The following TMEM254 variants were observed in gnomAD, a reference collection of about 807,000 sequenced individuals.
The protein encoded by TMEM254 is transmembrane protein C10orf57.
Under a neutral mutation model 13.9 loss-of-function variants are expected in TMEM254, and 16 were observed. The observed-to-expected ratio is 1.15, with a 90% confidence interval of 0.78 to 1.75. The LOEUF is 1.75. Among genes scored for constraint, TMEM254 ranks in the 40% most tolerant of loss-of-function variants. The probability of loss-of-function intolerance (pLI) is 0.00; values close to 1 mark genes in which losing one functional copy is unlikely to be tolerated. For synonymous variants in TMEM254, 61 were observed against 56.4 expected (o/e 1.08, Z -0.36); for missense variants, 155 against 149.0 (o/e 1.04, Z -0.21).
intron 1 of TMEM254, chr10:80,079,118 C>A (rs1375519937): frequency 7.4e-7 from 1 of 1,349,740 alleles, no homozygotes; most frequent in Non-Finnish European, 9.8e-7. Context: ...ATGCGGCTAC[C>A]GCCTATTTCC....
In TMEM254 at chr10:80,081,833, T is replaced by C. The variant is rs769515614; in HGVS notation, c.88-8T>C. The C allele has an allele frequency of 6.2e-7, 1 of 1,614,126 alleles. No individual in the cohort carries two copies. The highest frequency in any genetic ancestry group is 8.5e-7 in the Non-Finnish European group (1 of 1,180,010). ...AATAGGTATTCTGTGTCTCTGCTTCTCTTTCAGTGGGTTGTCTTCTGGCCT... is the reference window on the plus strand; with the variant it reads ...AATAGGTATTCTGTGTCTCTGCTTCCCTTTCAGTGGGTTGTCTTCTGGCCT... On this transcript the variant is annotated splice_region_variant and splice_polypyrimidine_tract_variant and intron_variant, in intron 1 of 3. Transcript: ENST00000372281.
Position 80,091,005 on chromosome 10 carries a change from A to G in TMEM254, c.*88A>G, listed in dbSNP as rs1193132957. 5.3e-6 allele frequency: 8 copies of G among 1,511,904 alleles called. No homozygotes were observed. Among genetic ancestry groups the G allele is most frequent in the Non-Finnish European group, 7.1e-6 (8 of 1,125,468 alleles). The allele number at this position is 1,511,904 out of a possible 1,614,324, so 93.7% of individuals were successfully genotyped here. On this transcript the variant is annotated 3_prime_UTR_variant, in exon 4 of 4. Transcript: ENST00000372281. ...AGGAGGTGCAGTAATTTACTCAGTG[A>G]TCTTTCTACTTTCTAGAAACTGTCC... is the stretch of plus-strand genomic sequence containing the variant.
intron 3 of TMEM254, 81 bp from the exon 4 acceptor site, chr10:80,090,716 A>AAT (rs1051181771): frequency 6.9e-5 from 93 of 1,338,874 alleles, no homozygotes; most frequent in Non-Finnish European, 8.1e-5. Flanking sequence ...TAATTTAAAA[A>AAT]ATATATATAT....
chr10:80,085,333 G>A (rs1399433254), intron 3 of TMEM254, among the ~76,000 whole-genome samples: 1 of 152,032 alleles, frequency 6.6e-6, no homozygotes, highest in Non-Finnish European at 1.5e-5. Flanking sequence ...GCTGAGGCAG[G>A]CGGATCACCT....
intron 3 of TMEM254, among the ~76,000 whole-genome samples, chr10:80,085,116 G>A (rs1445571842): frequency 1.3e-5 from 2 of 152,052 alleles, no homozygotes; most frequent in Admixed American, 1.3e-4. Context: ...CACCGCACCC[G>A]GCCCTCAAAT....
chr10:80,091,091 C>A lies in TMEM254; in HGVS notation c.*174C>A. ...TTTTCTCTTATATGCTCTGGTTGAGCTTGAATAGACCAGTTGTTACTTAAG... is the reference window on the plus strand; with the variant it reads ...TTTTCTCTTATATGCTCTGGTTGAGATTGAATAGACCAGTTGTTACTTAAG... On this transcript the variant is annotated 3_prime_UTR_variant, in exon 4 of 4. Coordinates refer to ENST00000372281, the MANE Select transcript of TMEM254 (RefSeq NM_025125.4). 1.5e-6 allele frequency: 1 copy of A among 687,068 alleles called. No homozygotes were observed. Among genetic ancestry groups the A allele is most frequent in the Non-Finnish European group, 2.3e-6 (1 of 434,160 alleles). 42.6% of individuals were successfully genotyped at this position (687,068 alleles called of 1,614,324 possible).
intron 3 of TMEM254, among the ~76,000 whole-genome samples, chr10:80,089,962 G>A (rs967021439): frequency 4.1e-5 from 6 of 146,504 alleles, no homozygotes; most frequent in Non-Finnish European, 5.9e-5. Flanking sequence ...TCAAGATCGC[G>A]CCACTGCACT....
chr10:80,079,043 T>A (rs1589375867), intron 1 of TMEM254: 6 of 1,498,470 alleles, frequency 4.0e-6, no homozygotes, highest in Non-Finnish European at 5.4e-6. Flanking sequence ...CGGGGACGGC[T>A]GGGGAGCTCC....
rs928684134 is a variant in TMEM254, at chr10:80,086,232, CA to C, written c.251+4032del. ...AAAAGACTTTTGTCTTTTAAATAGG[CA>C]AAATGAGCTAAGAATACGGATAAAG... On this transcript the variant is annotated intron_variant, in intron 3 of 3. Coordinates refer to ENST00000372281, the MANE Select transcript of TMEM254 (RefSeq NM_025125.4). 8 of 1,468,838 alleles carry C rather than the reference CA, an allele frequency of 5.4e-6. No homozygotes were observed. In the African/African-American group the frequency reaches 1.2e-4, roughly 22 times the overall value. The allele number at this position is 1,468,838 out of a possible 1,614,324, so 91.0% of individuals were successfully genotyped here. A position where few individuals can be genotyped will look rare whatever the true frequency, so the allele number is the denominator to read the frequency against.
chr10:80,082,280 G>A (rs1332198978), intron 3 of TMEM254, 76 bp downstream of exon 3: 11 of 1,508,240 alleles, frequency 7.3e-6, no homozygotes, highest in Non-Finnish European at 1.0e-5. Context: ...CATTTAAATA[G>A]TTCACACACT....
intron 3 of TMEM254, among the ~76,000 whole-genome samples, chr10:80,082,644 A>G (rs891730078): frequency 1.3e-5 from 2 of 152,202 alleles, no homozygotes; most frequent in African/African-American, 2.4e-5. Flanking sequence ...TGATTGGGTA[A>G]GTCTTGCCTC....
In TMEM254 at chr10:80,078,782, A is replaced by AC; in HGVS notation, c.84dup (p.Thr29HisfsTer58). On this transcript the variant is annotated frameshift_variant, in exon 1 of 4. Coordinates refer to ENST00000372281, the MANE Select transcript of TMEM254 (RefSeq NM_025125.4). LOFTEE classifies it high-confidence loss of function. ...GTCATCACCCTCAGCTTTGGCTACT[A>AC]CACAGTAAGGACAGCCGCTGGAGCG... is the stretch of plus-strand genomic sequence containing the variant. 6.2e-7 allele frequency: 1 copy of AC among 1,603,742 alleles called. No individual in the cohort carries two copies. Among genetic ancestry groups the AC allele is most frequent in the Non-Finnish European group, 8.5e-7 (1 of 1,175,300 alleles).
rs535917016 is a variant in TMEM254, at chr10:80,081,622, C to A, written c.88-219C>A. 1.0e-4 allele frequency: 146 copies of A among 1,449,750 alleles called. 2 individuals are homozygous for A. In the South Asian group the frequency reaches 1.8e-3, roughly 18 times the overall value. The allele number at this position is 1,449,750 out of a possible 1,614,324, so 89.8% of individuals were successfully genotyped here. A position where few individuals can be genotyped will look rare whatever the true frequency, so the allele number is the denominator to read the frequency against. On this transcript the variant is annotated intron_variant, in intron 1 of 3. Coordinates refer to ENST00000372281, the MANE Select transcript of TMEM254 (RefSeq NM_025125.4). ...GGTGGAGGCTGCAGTGAGTCATGATCATGCCACTGCACTCCAGCCCCAGCA... is the reference window on the plus strand; with the variant it reads ...GGTGGAGGCTGCAGTGAGTCATGATAATGCCACTGCACTCCAGCCCCAGCA...
At chr10:80,090,066 T>C (rs897778244) in intron 3 of TMEM254, among the ~76,000 whole-genome samples, 6 of 152,190 alleles carry the variant, frequency 3.9e-5, no homozygotes, top group African/African-American at 1.4e-4. Flanking sequence ...GATATTCATA[T>C]GATCTTTCTG....
chr10:80,083,417 T>G (rs1396348184), intron 3 of TMEM254, among the ~76,000 whole-genome samples: 1 of 152,242 alleles, frequency 6.6e-6, no homozygotes, highest in Non-Finnish European at 1.5e-5. Context: ...CAAGCTAGAC[T>G]TTCTATGAAG....
At chr10:80,080,353 AGTCTT>A (rs1843927617) in intron 1 of TMEM254, among the ~76,000 whole-genome samples, 1 of 152,352 alleles carries the variant, frequency 6.6e-6, no homozygotes, top group South Asian at 2.1e-4. Context: ...TTCTCAGAAA[AGTCTT>A]AGCTGACAGA....
At chr10:80,084,904 C>T (rs563235147) in intron 3 of TMEM254, among the ~76,000 whole-genome samples, 28 of 152,216 alleles carry the variant, frequency 1.8e-4, no homozygotes, top group African/African-American at 6.0e-4. Flanking sequence ...CAGCTCACTG[C>T]AACCTCTGCC....
At chr10:80,079,198 T>TGGGGCGGGGGGG in intron 1 of TMEM254, 2 of 322,116 alleles carry the variant, frequency 6.2e-6, no homozygotes, top group South Asian at 2.7e-5. Flanking sequence ...AGGCGTGGGG[T>TGGGGCGGGGGGG]GGGGCGGGGC....
intron 3 of TMEM254, among the ~76,000 whole-genome samples, chr10:80,087,967 A>G (rs1844395216): frequency 6.6e-6 from 1 of 152,150 alleles, no homozygotes; most frequent in Non-Finnish European, 1.5e-5. Flanking sequence ...TATTGATATT[A>G]AAGTTATATT....
Sources: allele counts gnomAD v4.1 joint callset (sites outside exome capture counted in the v4.1 genomes callset), GRCh38; gene constraint gnomAD v4.1.1; transcripts MANE v1.5; gene names NCBI Gene and HGNC (gene_info 2026-07-23, HGNC 2026-07-21).